KAZN: variants seen among roughly 807,000 people sequenced by gnomAD.
KAZN encodes the protein kazrin.
A neutral mutation model predicts 87.4 loss-of-function variants in KAZN; 40 were observed. The ratio of observed to expected loss-of-function variants is 0.46; its 90% CI spans 0.36 to 0.60. The LOEUF is 0.60. Among genes scored for constraint, KAZN ranks in the 20% least tolerant of loss-of-function variants. KAZN has a pLI of 0.00. For missense variants in KAZN, 898 were observed against 1,073.9 expected (o/e 0.84, Z 2.29); for synonymous variants, 466 against 458.3 (o/e 1.02, Z -0.22).
chr1:14,598,552 C>T (rs1341074906), upstream of KAZN, among the ~76,000 whole-genome samples: 1 of 152,156 alleles, frequency 6.6e-6, no homozygotes, highest in Non-Finnish European at 1.5e-5. The surrounding 1 kb of genome is among the most constrained non-coding windows in gnomAD (Gnocchi z 4.2). Context: ...CCTCCGCCCC[C>T]CCGGGGGGTG....
At chr1:14,209,820 C>G (rs1234231748) in intron 2 of KAZN, among the ~76,000 whole-genome samples, 2 of 152,188 alleles carry the variant, frequency 1.3e-5, no homozygotes, top group Non-Finnish European at 2.9e-5. Context: ...CACTGTGTCC[C>G]CAATGATGAC....
At chr1:14,643,305 C>T (rs1680547817) in intron 1 of KAZN, among the ~76,000 whole-genome samples, 3 of 152,152 alleles carry the variant, frequency 2.0e-5, no homozygotes, top group Admixed American at 2.0e-4. Context: ...ATCCTTTCTG[C>T]TCCTCTCCCT....
intron 1 of KAZN, among the ~76,000 whole-genome samples, chr1:14,755,086 G>GAAAAAAAAAAAAAAA (rs763767893): frequency 2.0e-5 from 1 of 49,998 alleles, no homozygotes; most frequent in Non-Finnish European, 3.8e-5. Context: ...TACTAAAAAT[G>GAAAAAAAAAAAAAAA]CAAAAAAAAA....
In KAZN at chr1:14,370,209, G is replaced by A. The variant is rs146449088; in HGVS notation, c.249+189617G>A. 3.7e-3 allele frequency among the ~76,000 whole-genome samples: 561 copies of A among 152,346 alleles called. 7 individuals carry two copies. Among genetic ancestry groups the A allele is most frequent in the African/African-American group, 0.013 (529 of 41,580 alleles). On this transcript the variant is annotated intron_variant, in intron 2 of 16. Transcript: ENST00000636203. ...GAGGGAGAGCAGGGTTGGGAGGTGG[G>A]CAGGGAGATGGGCCATCCTGGCTAG...
chr1:15,010,987 C>T (rs1669520504), intron 2 of KAZN, among the ~76,000 whole-genome samples: 1 of 152,144 alleles, frequency 6.6e-6, no homozygotes, highest in African/African-American at 2.4e-5. Flanking sequence ...ATGGTTCAAG[C>T]AATACATTTA....
rs764564192 is a variant in KAZN, at chr1:14,773,124, G to A, written c.226+173901G>A. Among the ~76,000 whole-genome samples, 2 of 152,142 alleles carry A rather than the reference G, an allele frequency of 1.3e-5. No individual in the cohort carries two copies. Among genetic ancestry groups the A allele is most frequent in the Non-Finnish European group, 1.5e-5 (1 of 68,014 alleles). ...TAGCATCTGGTGGAGAGAAAAGGTT[G>A]CCCTCTCCTGCATGTGGAAGAAGCT... On this transcript the variant is annotated intron_variant, in intron 1 of 14. Transcript: ENST00000376030. This position sits in a 1 kb window ranked among gnomAD's most constrained non-coding sequence, Gnocchi z 5.9.
At chr1:14,423,402 T>A (rs1020358169) in intron 2 of KAZN, among the ~76,000 whole-genome samples, 4 of 152,228 alleles carry the variant, frequency 2.6e-5, no homozygotes, top group African/African-American at 9.6e-5. Flanking sequence ...TTTTATTGTG[T>A]TTTCAAATCT....
chr1:13,976,162 T>C (rs945687906), intron 1 of KAZN, among the ~76,000 whole-genome samples: 2 of 152,258 alleles, frequency 1.3e-5, no homozygotes, highest in Non-Finnish European at 2.9e-5. Context: ...AGTTTTCAGA[T>C]GATTTTTCCA....
intron 2 of KAZN, among the ~76,000 whole-genome samples, chr1:14,392,361 C>T (rs1220330711): frequency 2.0e-5 from 3 of 152,286 alleles, no homozygotes; most frequent in Non-Finnish European, 4.4e-5. Context: ...TAGGGAGCGA[C>T]TGAGTGGTGC....
chr1:15,002,949 C>T (rs538409235), intron 2 of KAZN, among the ~76,000 whole-genome samples: 15 of 151,862 alleles, frequency 9.9e-5, no homozygotes, highest in African/African-American at 3.6e-4. Flanking sequence ...GCACTCCAGC[C>T]TGGGCGACAC....
At chr1:14,267,891 C>T (rs1571184272) in intron 2 of KAZN, among the ~76,000 whole-genome samples, 2 of 152,094 alleles carry the variant, frequency 1.3e-5, no homozygotes, top group Non-Finnish European at 2.9e-5. Flanking sequence ...ACCCAGGAGG[C>T]GGAGTTTGCA....
chr1:14,240,703 G>A (rs1166160802), intron 2 of KAZN, among the ~76,000 whole-genome samples: 1 of 152,206 alleles, frequency 6.6e-6, no homozygotes, highest in African/African-American at 2.4e-5. Flanking sequence ...TGGGCCTTTT[G>A]TCCAAATCTG....
At chr1:14,944,423 G>A (rs1557646426) in intron 1 of KAZN, among the ~76,000 whole-genome samples, 1 of 152,078 alleles carries the variant, frequency 6.6e-6, no homozygotes, top group Non-Finnish European at 1.5e-5. Context: ...TGTCCTACTT[G>A]GTTTCAGAAG....
At chr1:14,092,733 G>A (rs1181253504) in intron 1 of KAZN, among the ~76,000 whole-genome samples, 1 of 151,900 alleles carries the variant, frequency 6.6e-6, no homozygotes, top group Non-Finnish European at 1.5e-5. Context: ...CCTTTATTTT[G>A]TCCTTTATTT....
chr1:14,730,298 G>A (rs897180820), intron 1 of KAZN, among the ~76,000 whole-genome samples: 1 of 152,150 alleles, frequency 6.6e-6, no homozygotes, highest in East Asian at 1.9e-4. Flanking sequence ...TGGTCAGGCT[G>A]GTCTCGAACT....
At chr1:14,896,627 C>T (rs1572760966) in intron 1 of KAZN, among the ~76,000 whole-genome samples, 1 of 152,150 alleles carries the variant, frequency 6.6e-6, no homozygotes, top group Non-Finnish European at 1.5e-5. Flanking sequence ...CTGTATCAGG[C>T]AAATCCAGGG....
chr1:14,278,325 C>G (rs1345120256), intron 2 of KAZN, among the ~76,000 whole-genome samples: 11 of 139,916 alleles, frequency 7.9e-5, no homozygotes, highest in Admixed American at 4.4e-4. Context: ...GAGTCTTGCT[C>G]TGTCGCACAG....
At chr1:14,728,187 G>A (rs1193832699) in intron 1 of KAZN, among the ~76,000 whole-genome samples, 1 of 150,736 alleles carries the variant, frequency 6.6e-6, no homozygotes, top group Non-Finnish European at 1.5e-5. Context: ...TCGGGAGGCT[G>A]AGGCAGGAGA....
chr1:14,384,493 A>G (rs1661683280), intron 2 of KAZN, among the ~76,000 whole-genome samples: 1 of 152,170 alleles, frequency 6.6e-6, no homozygotes, highest in Non-Finnish European at 1.5e-5. Context: ...ACGTCCCATC[A>G]ATACCTAATT....
Sources: gnomAD v4.1 joint callset for allele counts (sites outside exome capture counted in the v4.1 genomes callset) on GRCh38, gnomAD v4.1.1 for gene constraint, Gnocchi (gnomAD v3.1) non-coding constraint, MANE v1.5 for transcripts, NCBI Gene and HGNC (gene_info 2026-07-23, HGNC 2026-07-21) for gene names.